Variants in PTPRO observed in about 807,000 individuals in gnomAD.
PTPRO encodes the protein protein tyrosine phosphatase receptor type O.
PTPRO carries 62 observed loss-of-function variants against 145.2 expected under a neutral mutation model. The observed-to-expected ratio is 0.43, with a 90% CI of 0.35 to 0.53. PTPRO has a LOEUF of 0.53. Among genes scored for constraint, PTPRO ranks in the 20% least tolerant of loss-of-function variants. The probability of loss-of-function intolerance (pLI) is 0.01; values close to 1 mark genes in which losing one functional copy is unlikely to be tolerated. For synonymous variants in PTPRO, 565 were observed against 514.7 expected (o/e 1.10, Z -1.32); for missense variants, 1,345 against 1,482.7 (o/e 0.91, Z 1.53).
chr12:15,536,347 T>C (rs1943065177), intron 12 of PTPRO, among the ~76,000 whole-genome samples: 1 of 152,104 alleles, frequency 6.6e-6, no homozygotes. Context: ...AGTCAGAGCC[T>C]AAAGGAGATG....
chr12:15,473,879 G>T (rs575912717), intron 1 of PTPRO, among the ~76,000 whole-genome samples: 1 of 150,724 alleles, frequency 6.6e-6, no homozygotes, highest in African/African-American at 2.4e-5. Context: ...GCATTTTTAC[G>T]AAAGACATTT....
At chr12:15,405,985 A>G (rs559446834) in intron 1 of PTPRO, among the ~76,000 whole-genome samples, 7 of 152,272 alleles carry the variant, frequency 4.6e-5, no homozygotes, top group Non-Finnish European at 8.8e-5. Flanking sequence ...AGGAAATGCT[A>G]TTTTTGATTA....
chr12:15,487,157 C>A (rs954342802), intron 2 of PTPRO, among the ~76,000 whole-genome samples: 1 of 152,122 alleles, frequency 6.6e-6, no homozygotes, highest in Non-Finnish European at 1.5e-5. Context: ...AGAGGATGTT[C>A]TTCGTTCTCG....
chr12:15,452,154 A>C (rs529041445), intron 1 of PTPRO, among the ~76,000 whole-genome samples: 1 of 152,240 alleles, frequency 6.6e-6, no homozygotes, highest in African/African-American at 2.4e-5. Flanking sequence ...AGAAACGAAA[A>C]AGGAGATATT....
intron 1 of PTPRO, among the ~76,000 whole-genome samples, chr12:15,329,502 G>A (rs908081879): frequency 1.3e-5 from 2 of 152,148 alleles, no homozygotes; most frequent in Non-Finnish European, 2.9e-5. Context: ...TTCCTTGAAA[G>A]AGCATCCTAT....
intron 19 of PTPRO, among the ~76,000 whole-genome samples, chr12:15,574,832 C>T (rs1445209804): frequency 6.6e-6 from 1 of 152,104 alleles, no homozygotes; most frequent in Non-Finnish European, 1.5e-5. Flanking sequence ...GACATAATGT[C>T]CACCCTATCC....
At chr12:15,530,650 A>C (rs1036931118) in intron 12 of PTPRO, among the ~76,000 whole-genome samples, 1 of 152,208 alleles carries the variant, frequency 6.6e-6, no homozygotes, top group Non-Finnish European at 1.5e-5. Flanking sequence ...AGAAATTAAG[A>C]AAGGAATTTT....
intron 13 of PTPRO, among the ~76,000 whole-genome samples, chr12:15,547,080 T>A (rs1037539957): frequency 2.3e-4 from 35 of 152,230 alleles, no homozygotes; most frequent in Non-Finnish European, 2.1e-4. Flanking sequence ...ATAGAATCAA[T>A]ATTTGCCTTC....
intron 1 of PTPRO, among the ~76,000 whole-genome samples, chr12:15,438,893 A>T (rs941273952): frequency 6.6e-6 from 1 of 152,238 alleles, no homozygotes; most frequent in Non-Finnish European, 1.5e-5. Flanking sequence ...ATATCAAGCC[A>T]TGTAGACTAC....
At chr12:15,442,231 G>T (rs193294813) in intron 1 of PTPRO, among the ~76,000 whole-genome samples, 3 of 151,898 alleles carry the variant, frequency 2.0e-5, no homozygotes, top group African/African-American at 4.8e-5. Context: ...ACCACATAAA[G>T]AATTAAAAAC....
At chr12:15,332,385 CTTTCT>C (rs1157844851) in intron 1 of PTPRO, among the ~76,000 whole-genome samples, 1 of 152,184 alleles carries the variant, frequency 6.6e-6, no homozygotes, top group Non-Finnish European at 1.5e-5. Context: ...ATCATCCCAA[CTTTCT>C]TATAAAACAC....
At chr12:15,386,128 A>G (rs1199514409) in intron 1 of PTPRO, among the ~76,000 whole-genome samples, 2 of 152,162 alleles carry the variant, frequency 1.3e-5, no homozygotes, top group Non-Finnish European at 2.9e-5. Context: ...ACTCACAAAT[A>G]TGAACTCAAG....
At chr12:15,366,750 G>A (rs982685556) in intron 1 of PTPRO, among the ~76,000 whole-genome samples, 3 of 152,124 alleles carry the variant, frequency 2.0e-5, no homozygotes, top group Non-Finnish European at 4.4e-5. Context: ...TTGTGTGTAG[G>A]TTCTGTAAAT....
intron 12 of PTPRO, among the ~76,000 whole-genome samples, chr12:15,534,340 C>T (rs894224519): frequency 6.6e-6 from 1 of 152,164 alleles, no homozygotes; most frequent in African/African-American, 2.4e-5. Flanking sequence ...TTGGACACAT[C>T]ACAAATAGCT....
intron 12 of PTPRO, among the ~76,000 whole-genome samples, chr12:15,527,875 A>ACCCCCCCCCCCCCCCCCCCCCCCCCCCC (rs1555173370): frequency 1.5e-5 from 2 of 137,648 alleles, no homozygotes; most frequent in African/African-American, 5.7e-5. Context: ...GGGAACTGTG[A>ACCCCCCCCCCCCCCCCCCCCCCCCCCCC]CCCGCCCACG....
intron 1 of PTPRO, among the ~76,000 whole-genome samples, chr12:15,323,609 C>T (rs1165726500): frequency 6.6e-6 from 1 of 152,088 alleles, no homozygotes; most frequent in East Asian, 1.9e-4. Context: ...TCTTGGACGG[C>T]GATGTGAAGT....
At chr12:15,545,878 G>T (rs10772860) in intron 12 of PTPRO, among the ~76,000 whole-genome samples, 45,867 of 151,764 alleles carry the variant, frequency 0.3, 6,945 homozygotes, top group Middle Eastern at 0.42. Flanking sequence ...TGCAAAAAAT[G>T]CAAAAATAAG....
At chr12:15,343,501 G>A (rs1451270691) in intron 1 of PTPRO, among the ~76,000 whole-genome samples, 2 of 152,044 alleles carry the variant, frequency 1.3e-5, no homozygotes, top group African/African-American at 2.4e-5. Context: ...AGTTTGGGCA[G>A]TATGGCGAGA....
chr12:15,536,424 T>A (rs1420927501), intron 12 of PTPRO, among the ~76,000 whole-genome samples: 1 of 152,124 alleles, frequency 6.6e-6, no homozygotes, highest in African/African-American at 2.4e-5. Context: ...GGTGCCCAGC[T>A]ATGGAAGCAT....
Sources: allele counts gnomAD v4.1 joint callset (sites outside exome capture counted in the v4.1 genomes callset), GRCh38; gene constraint gnomAD v4.1.1; transcripts MANE v1.5; gene names NCBI Gene and HGNC (gene_info 2026-07-23, HGNC 2026-07-21).